GRM5: variants seen among roughly 807,000 people sequenced by gnomAD.
GRM5 encodes metabotropic glutamate receptor 5.
A neutral mutation model predicts 83.1 loss-of-function variants in GRM5; 19 were observed. That is an observed-to-expected ratio of 0.23 (90% CI 0.16 to 0.34). The LOEUF (loss-of-function observed/expected upper bound fraction) is 0.34, where lower values mean the gene tolerates loss of function less well. Ranked by LOEUF, GRM5 falls within the 10% of genes least tolerant of loss-of-function variation. The pLI is 1.00. For synonymous variants in GRM5, 675 were observed against 633.6 expected, an observed-to-expected ratio of 1.07 and a Z score of -0.98; for missense variants, 1,160 against 1,588.3, an observed-to-expected ratio of 0.73 and a Z score of 4.58.
chr11:89,049,216 G>C (rs1334767202), intron 1 of GRM5, among the ~76,000 whole-genome samples: 1 of 152,154 alleles, frequency 6.6e-6, no homozygotes, highest in Non-Finnish European at 1.5e-5. Flanking sequence ...TGTATGTTTG[G>C]AACTATTCTG....
At chr11:88,540,429 G>A (rs1942240098) in intron 8 of GRM5, among the ~76,000 whole-genome samples, 1 of 114,566 alleles carries the variant, frequency 8.7e-6, no homozygotes, top group African/African-American at 3.1e-5. Flanking sequence ...GGAGGAAGGA[G>A]ATTGGGATGT....
intron 3 of GRM5, among the ~76,000 whole-genome samples, chr11:88,740,076 A>G (rs1179563780): frequency 3.9e-5 from 6 of 152,072 alleles, no homozygotes; most frequent in Non-Finnish European, 7.4e-5. Context: ...CATTACTTTT[A>G]TCGAGTTTCT....
intron 7 of GRM5, among the ~76,000 whole-genome samples, chr11:88,579,039 A>C (rs926317258): frequency 6.6e-6 from 1 of 152,152 alleles, no homozygotes; most frequent in Non-Finnish European, 1.5e-5. Context: ...GATCATGAGC[A>C]TGGATATTTT....
chr11:88,570,527 G>GT (rs1397720896), intron 7 of GRM5, among the ~76,000 whole-genome samples: 5 of 115,210 alleles, frequency 4.3e-5, no homozygotes, highest in African/African-American at 1.4e-4. Context: ...TGGAGAGGCT[G>GT]TTTTACCAAA....
intron 4 of GRM5, among the ~76,000 whole-genome samples, chr11:88,649,927 C>G (rs1428654908): frequency 3.3e-5 from 5 of 151,818 alleles, no homozygotes; most frequent in Admixed American, 6.6e-5. Flanking sequence ...AATCATAACA[C>G]AGTCCTGTGG....
At chr11:88,573,256 T>G (rs1399979189) in intron 7 of GRM5, among the ~76,000 whole-genome samples, 1 of 152,202 alleles carries the variant, frequency 6.6e-6, no homozygotes, top group Non-Finnish European at 1.5e-5. Flanking sequence ...ACTTCACTAA[T>G]GTGTTCCCCA....
intron 3 of GRM5, among the ~76,000 whole-genome samples, chr11:88,694,326 T>C (rs1215737721): frequency 6.6e-6 from 1 of 152,176 alleles, no homozygotes; most frequent in Admixed American, 6.5e-5. Context: ...CCTATATTGC[T>C]ATTTTATATC....
At chr11:89,016,860 T>G (rs1301091334) in intron 2 of GRM5, among the ~76,000 whole-genome samples, 1 of 152,174 alleles carries the variant, frequency 6.6e-6, no homozygotes, top group Admixed American at 6.5e-5. Flanking sequence ...TCCACTCAGT[T>G]TTTCATTGCA....
chr11:89,009,713 G>C (rs1362886444), intron 2 of GRM5, among the ~76,000 whole-genome samples: 11 of 151,296 alleles, frequency 7.3e-5, no homozygotes, highest in African/African-American at 2.7e-4. Context: ...TGGCTAACAC[G>C]GTGAAACCCC....
chr11:89,064,056 G>A (rs1337478781), intron 1 of GRM5, among the ~76,000 whole-genome samples: 1 of 152,188 alleles, frequency 6.6e-6, no homozygotes, highest in Non-Finnish European at 1.5e-5. Flanking sequence ...TCTCCTAGGA[G>A]TGTAGACATC....
chr11:88,682,920 G>A (rs1487157912), intron 3 of GRM5, among the ~76,000 whole-genome samples: 1 of 148,594 alleles, frequency 6.7e-6, no homozygotes, highest in African/African-American at 2.5e-5. Flanking sequence ...GCTTACTGGT[G>A]TTTAAACGGA....
chr11:88,985,414 G>A (rs760616122), intron 2 of GRM5, among the ~76,000 whole-genome samples: 24 of 152,150 alleles, frequency 1.6e-4, no homozygotes, highest in Non-Finnish European at 2.8e-4. Flanking sequence ...ATTCCCTAAA[G>A]CAATCAAGAT....
At chr11:88,747,146 T>C (rs1346789988) in intron 3 of GRM5, among the ~76,000 whole-genome samples, 1 of 152,168 alleles carries the variant, frequency 6.6e-6, no homozygotes, top group Non-Finnish European at 1.5e-5. Flanking sequence ...AACCAAAGGC[T>C]CTCAACCTGG....
chr11:88,679,684 A>G (rs942101807), intron 3 of GRM5, among the ~76,000 whole-genome samples: 31 of 152,254 alleles, frequency 2.0e-4, no homozygotes, highest in African/African-American at 7.0e-4. Flanking sequence ...AGCTGAGAGG[A>G]AGCTAGATTG....
At chr11:89,030,563 G>A (rs1032678937) in intron 2 of GRM5, among the ~76,000 whole-genome samples, 2 of 151,814 alleles carry the variant, frequency 1.3e-5, no homozygotes, top group African/African-American at 4.8e-5. Flanking sequence ...ATTATTGTAA[G>A]GACTAAATAA....
intron 3 of GRM5, among the ~76,000 whole-genome samples, chr11:88,835,738 CTG>C (rs56966467): frequency 6.6e-6 from 1 of 152,298 alleles, no homozygotes; most frequent in African/African-American, 2.4e-5. Context: ...GTAAAAATAA[CTG>C]TATTAAAAAG....
chr11:88,920,535 G>A (rs1282409747), intron 2 of GRM5, among the ~76,000 whole-genome samples: 4 of 150,730 alleles, frequency 2.7e-5, no homozygotes, highest in Non-Finnish European at 4.4e-5. Flanking sequence ...ATATATAGAG[G>A]AGGAGGGAAT....
chr11:88,965,963 C>A (rs1354395631), intron 2 of GRM5, among the ~76,000 whole-genome samples: 2 of 152,080 alleles, frequency 1.3e-5, no homozygotes, highest in African/African-American at 4.8e-5. Context: ...TTCCCTCAAG[C>A]ATACATGAAA....
At chr11:88,911,928 A>G (rs1285202814) in intron 2 of GRM5, 2 of 440,802 alleles carry the variant, frequency 4.5e-6, no homozygotes, top group Non-Finnish European at 9.4e-6. Context: ...TGAACTAGTC[A>G]GTAACAATTC....
Sources: allele counts gnomAD v4.1 joint callset (sites outside exome capture counted in the v4.1 genomes callset), GRCh38; gene constraint gnomAD v4.1.1; transcripts MANE v1.5; gene names NCBI Gene and HGNC (gene_info 2026-07-23, HGNC 2026-07-21).